Variants in PDE6C observed in about 807,000 individuals in gnomAD.
The protein encoded by PDE6C is cone cGMP-specific 3',5'-cyclic phosphodiesterase subunit alpha'.
In PDE6C, 75 loss-of-function variants were observed where a neutral mutation model predicts 113.1. The ratio of observed to expected loss-of-function variants is 0.66; its 90% CI spans 0.55 to 0.80. The LOEUF is 0.80. Ranked by LOEUF, PDE6C falls within the 30% of genes least tolerant of loss-of-function variation. The pLI is 0.00. For synonymous variants in PDE6C, 375 were observed against 363.7 expected (o/e 1.03, Z -0.35); for missense variants, 912 against 1,038.6 (o/e 0.88, Z 1.67).
In PDE6C at chr10:93,642,747, C is replaced by A. The variant is rs199655843; in HGVS notation, c.1847+1718C>A. On this transcript the variant is annotated intron_variant, in intron 14 of 21. Transcript: ENST00000371447. ...ATCCAGTGAAATTACATATGTGAAA[C>A]CTACTTGAGAAAGTGCCTGCTAGGC... Among the ~76,000 whole-genome samples, 10 of 152,316 alleles carry A rather than the reference C, an allele frequency of 6.6e-5. No individual in the cohort carries two copies. The East Asian group carries it at 1.5e-3, about 24-fold the overall frequency.
chr10:93,620,225 G>A (rs2058438801), intron 1 of PDE6C, among the ~76,000 whole-genome samples: 1 of 152,102 alleles, frequency 6.6e-6, no homozygotes, highest in African/African-American at 2.4e-5. Context: ...TTTTCCCTTT[G>A]TAATGAGAGA....
chr10:93,652,423 G>A (rs2058613309), intron 15 of PDE6C, among the ~76,000 whole-genome samples: 1 of 152,138 alleles, frequency 6.6e-6, no homozygotes, highest in Non-Finnish European at 1.5e-5. Flanking sequence ...CAATTAGGAG[G>A]CTTGTACATG....
chr10:93,654,813 T>TCTTTTCTTTC (rs66493161), intron 15 of PDE6C, among the ~76,000 whole-genome samples: 4 of 137,148 alleles, frequency 2.9e-5, no homozygotes, highest in African/African-American at 1.1e-4. Flanking sequence ...TTTCTTTCTT[T>TCTTTTCTTTC]TTTTTTTTTT....
At position 93,661,979 on chromosome 10, in the gene PDE6C, T is replaced by C. The variant is rs955573392; in HGVS notation, c.2209-80T>C. The stretch of plus-strand genomic sequence containing the variant: ...CAAACATTGACTGTAAACTCGATCC[T>C]TAAATGTCACTTGTACTAATAAAAT... On this transcript the variant is annotated intron_variant, in intron 18 of 21. Coordinates refer to ENST00000371447, the MANE Select transcript of PDE6C (RefSeq NM_006204.4). The C allele has an allele frequency of 1.5e-5, 13 of 886,162 alleles. No individual in the cohort carries two copies. The Middle Eastern group carries it at 1.3e-3, about 87-fold the overall frequency. 54.9% of individuals were successfully genotyped at this position (886,162 alleles called of 1,614,324 possible).
At position 93,640,966 on chromosome 10, in the gene PDE6C, T is replaced by C. The variant is rs757410457; in HGVS notation, c.1784T>C (p.Met595Thr). Reference protein sequence around the residue: ...KYYTDLEAFAMLAAAFCHDID... With the variant: ...KYYTDLEAFATLAAAFCHDID... ...TACACAGATCTCGAAGCCTTTGCCA[T>C]GCTTGCTGCTGCTTTCTGCCATGAT... is the stretch of plus-strand genomic sequence containing the variant. Residue 595 changes from methionine to threonine, a missense_variant, in exon 14 of 22, where the codon ATG becomes ACG. Coordinates refer to ENST00000371447, the MANE Select transcript of PDE6C (RefSeq NM_006204.4). 6.2e-7 allele frequency: 1 copy of C among 1,613,558 alleles called. No homozygotes were observed. Among genetic ancestry groups the C allele is most frequent in the African/African-American group, 1.3e-5 (1 of 75,030 alleles).
chr10:93,644,366 A>G (rs1348179574), intron 14 of PDE6C, among the ~76,000 whole-genome samples: 6 of 152,192 alleles, frequency 3.9e-5, no homozygotes, highest in Admixed American at 6.5e-5. Flanking sequence ...GGAATTAAAG[A>G]TACCACTCCT....
intron 14 of PDE6C, 25 bp downstream of exon 14, chr10:93,641,054 G>A: frequency 7.6e-7 from 1 of 1,321,264 alleles, no homozygotes; most frequent in Non-Finnish European, 1.1e-6. Flanking sequence ...GTCCAATGTT[G>A]ACACGTATTG....
At chr10:93,635,319 A>G (rs2058523000) in intron 9 of PDE6C, among the ~76,000 whole-genome samples, 178 bp from the exon 10 acceptor site, 1 of 152,176 alleles carries the variant, frequency 6.6e-6, no homozygotes. Context: ...TTAAAAAGCA[A>G]TAATTCAGCC....
At chr10:93,624,708 A>G (rs1022569805) in intron 4 of PDE6C, among the ~76,000 whole-genome samples, 1 of 152,190 alleles carries the variant, frequency 6.6e-6, no homozygotes, top group Non-Finnish European at 1.5e-5. Flanking sequence ...GAAACATCAG[A>G]CACAGCTAAA....
At chr10:93,619,764 G>GTACCTTTCATC (rs2058436636) in intron 1 of PDE6C, among the ~76,000 whole-genome samples, 1 of 152,204 alleles carries the variant, frequency 6.6e-6, no homozygotes, top group Admixed American at 6.5e-5. Flanking sequence ...TCTATGTAAA[G>GTACCTTTCATC]AAAAACTGTA....
intron 13 of PDE6C, 138 bp from the exon 14 acceptor site, chr10:93,640,782 A>C: frequency 1.4e-6 from 1 of 711,900 alleles, no homozygotes; most frequent in Non-Finnish European, 2.5e-6. Context: ...CACCCACAGT[A>C]CTACAATACT....
intron 15 of PDE6C, among the ~76,000 whole-genome samples, chr10:93,649,369 T>C (rs1322764329): frequency 4.6e-5 from 7 of 152,172 alleles, no homozygotes; most frequent in Non-Finnish European, 7.3e-5. Context: ...CTATAAAAAT[T>C]CAAACGATAG....
At chr10:93,638,914 T>G (rs1313709764) in intron 11 of PDE6C, among the ~76,000 whole-genome samples, 1 of 152,182 alleles carries the variant, frequency 6.6e-6, no homozygotes, top group Non-Finnish European at 1.5e-5. Context: ...TTTAAATAGC[T>G]ATATACCATT....
Position 93,626,643 on chromosome 10 carries a change from G to A in PDE6C, c.943G>A (p.Val315Ile), listed in dbSNP as rs754057368. The change falls in exon 6 of 22, where the codon GTC (valine) becomes ATC (isoleucine). Residue 315 changes from valine to isoleucine, a missense_variant. Val to Ile is a conservative substitution (Grantham distance 29). Transcript: ENST00000371447. The part of the protein sequence containing the change: ...KGPKTPDGRE[V>I]NFYKIIDYIL... ...TAATATCCTCTTTCTTTCTTAGGAA[G>A]TCAACTTTTATAAAATCATTGATTA... 2 of 1,522,066 alleles carry A rather than the reference G, an allele frequency of 1.3e-6. No homozygotes were observed. The allele number at this position is 1,522,066 out of a possible 1,614,324, so 94.3% of individuals were successfully genotyped here.
chr10:93,642,854 T>C lies in PDE6C; in HGVS notation c.1847+1825T>C, dbSNP rs886203962. 2.0e-5 allele frequency among the ~76,000 whole-genome samples: 3 copies of C among 152,184 alleles called. No homozygotes were observed. In the East Asian group the frequency reaches 5.8e-4, roughly 29 times the overall value. ...CATCTTCAGCAATTCTACCTATTAT[T>C]AGGCTTTGTCTTGAAAAGATGATCT... On this transcript the variant is annotated intron_variant, in intron 14 of 21. Coordinates refer to ENST00000371447, the MANE Select transcript of PDE6C (RefSeq NM_006204.4).
intron 15 of PDE6C, among the ~76,000 whole-genome samples, chr10:93,649,887 G>A (rs2058601930): frequency 6.6e-6 from 1 of 152,158 alleles, no homozygotes; most frequent in African/African-American, 2.4e-5. Context: ...TTACAGGTGT[G>A]AGCCACCATG....
chr10:93,650,703 C>G (rs1211852650), intron 15 of PDE6C, among the ~76,000 whole-genome samples: 3 of 152,128 alleles, frequency 2.0e-5, no homozygotes, highest in African/African-American at 7.2e-5. Flanking sequence ...AATGTTAGCT[C>G]TTAAAGAGCC....
chr10:93,651,698 A>G (rs2058610267), intron 15 of PDE6C, among the ~76,000 whole-genome samples: 1 of 152,222 alleles, frequency 6.6e-6, no homozygotes, highest in African/African-American at 2.4e-5. Flanking sequence ...AGCAAAGCCC[A>G]TGAAGCTCCA....
Position 93,620,899 on chromosome 10 carries a change from C to G in PDE6C, c.642C>G (p.Ser214=), listed in dbSNP as rs745923838. ...TTCTCTGCCGTCTGTAGGTCTTTTCCAAATACCTCAACTTTGTGTCTATCA... is the reference window on the plus strand; with the variant it reads ...TTCTCTGCCGTCTGTAGGTCTTTTCGAAATACCTCAACTTTGTGTCTATCA... ...EFSKQDEEVF[S]KYLNFVSIIL... Residue 214 remains serine, a synonymous_variant, in exon 3 of 22, where the codon TCC becomes TCG. Coordinates refer to ENST00000371447, the MANE Select transcript of PDE6C (RefSeq NM_006204.4). 6.2e-7 allele frequency: 1 copy of G among 1,613,494 alleles called. No individual in the cohort carries two copies. Among genetic ancestry groups the G allele is most frequent in the South Asian group, 1.1e-5 (1 of 91,068 alleles).
Sources: allele counts gnomAD v4.1 joint callset (sites outside exome capture counted in the v4.1 genomes callset), GRCh38; gene constraint gnomAD v4.1.1; transcripts MANE v1.5; gene names NCBI Gene and HGNC (gene_info 2026-07-23, HGNC 2026-07-21).